Variants in GABRG1 observed in about 807,000 individuals in gnomAD.
The protein encoded by GABRG1 is gamma-aminobutyric acid receptor subunit gamma-1.
In GABRG1, 49 loss-of-function variants were observed where a neutral mutation model predicts 49.8. That is an observed-to-expected ratio of 0.98 (90% confidence interval 0.78 to 1.25). The LOEUF (loss-of-function observed/expected upper bound fraction) is 1.25, where lower values mean the gene tolerates loss of function less well. Among genes scored for constraint, GABRG1 ranks in the 50% most tolerant of loss-of-function variants. GABRG1 has a pLI of 0.00. For synonymous variants in GABRG1, 232 were observed against 185.1 expected (o/e 1.25, Z -2.06); for missense variants, 552 against 552.3 (o/e 1.00, Z 0.01).
At position 46,038,376 on chromosome 4, in the gene GABRG1, T is replaced by C. The variant is rs1241904580; in HGVS notation, c.*2612A>G. On this transcript the variant is annotated 3_prime_UTR_variant, in exon 9 of 9. Coordinates refer to ENST00000295452, the MANE Select transcript of GABRG1 (RefSeq NM_173536.4). ...GTCACATATTTAGAGGATAGGTCTA[T>C]ATAAACAAACATTTTTACAAATGAT... 1 of 151,684 alleles carries C rather than the reference T, an allele frequency of 6.6e-6. No homozygotes were observed. The highest frequency in any genetic ancestry group is 6.6e-5 in the Admixed American group (1 of 15,158). The allele number at this position is 151,684 out of a possible 1,614,324, so 9.4% of individuals were successfully genotyped here. A position where few individuals can be genotyped will look rare whatever the true frequency, so the allele number is the denominator to read the frequency against.
intron 3 of GABRG1, among the ~76,000 whole-genome samples, chr4:46,075,160 A>C (rs1276305804): frequency 1.3e-5 from 2 of 151,954 alleles, no homozygotes; most frequent in Non-Finnish European, 2.9e-5. Context: ...TTCCTCATAC[A>C]AATACTTTCA....
Position 46,097,364 on chromosome 4 carries a change from G to A in GABRG1, c.105-15C>T, listed in dbSNP as rs1409345815. 4.7e-5 allele frequency: 74 copies of A among 1,581,380 alleles called. No individual in the cohort carries two copies. In the East Asian group the frequency reaches 6.1e-4, roughly 13 times the overall value. On this transcript the variant is annotated splice_polypyrimidine_tract_variant and intron_variant, in intron 1 of 8. Transcript: ENST00000295452. ...CCTTATCAACACTAAATAATTCAAA[G>A]AAAAAAATGGATGGTAGAAGGTTCA...
chr4:46,078,881 T>C (rs1050530854), intron 3 of GABRG1, among the ~76,000 whole-genome samples: 3 of 151,938 alleles, frequency 2.0e-5, no homozygotes, highest in Non-Finnish European at 4.4e-5. Flanking sequence ...CAGTCTTGAA[T>C]TGGTTACAAT....
At chr4:46,060,199 C>T (rs969646894) in intron 5 of GABRG1, among the ~76,000 whole-genome samples, 3 of 151,728 alleles carry the variant, frequency 2.0e-5, no homozygotes, top group Non-Finnish European at 2.9e-5. Flanking sequence ...CAAGAAGAAT[C>T]ATCTCACCCT....
At chr4:46,109,209 T>G (rs994411299) in intron 1 of GABRG1, among the ~76,000 whole-genome samples, 3 of 150,972 alleles carry the variant, frequency 2.0e-5, no homozygotes, top group Non-Finnish European at 4.5e-5. Context: ...TCAGTGATGG[T>G]CTGTTCAGGA....
chr4:46,086,991 A>G (rs1486152947), intron 2 of GABRG1, among the ~76,000 whole-genome samples: 1 of 151,774 alleles, frequency 6.6e-6, no homozygotes, highest in East Asian at 1.9e-4. Flanking sequence ...TCAGGGAGTC[A>G]ACTGTTTTTA....
chr4:46,112,973 C>T lies in GABRG1; in HGVS notation c.104+10837G>A, dbSNP rs1325848290. On this transcript the variant is annotated intron_variant, in intron 1 of 8. Coordinates refer to ENST00000295452, the MANE Select transcript of GABRG1 (RefSeq NM_173536.4). ...ATAGCTACACGGCTACAAGTAACTACAAGGCCCCCACATTATGGTCTTCCA... is the reference window on the plus strand; with the variant it reads ...ATAGCTACACGGCTACAAGTAACTATAAGGCCCCCACATTATGGTCTTCCA... Among the ~76,000 whole-genome samples, 3 of 150,990 alleles carry T rather than the reference C, an allele frequency of 2.0e-5. No homozygotes were observed. In the Admixed American group the frequency reaches 2.0e-4, roughly 10 times the overall value.
At chr4:46,099,543 A>T (rs996934476) in intron 1 of GABRG1, among the ~76,000 whole-genome samples, 1 of 151,690 alleles carries the variant, frequency 6.6e-6, no homozygotes, top group African/African-American at 2.4e-5. Flanking sequence ...GGATGGTCCA[A>T]TTTTATTTGT....
intron 8 of GABRG1, among the ~76,000 whole-genome samples, chr4:46,049,131 GA>G (rs887145279): frequency 6.6e-6 from 1 of 151,832 alleles, no homozygotes; most frequent in African/African-American, 2.4e-5. Context: ...AAGAGGAAAG[GA>G]GAGAGAAAGG....
rs964186525 is a variant in GABRG1, at chr4:46,037,567, T to C, written c.*3421A>G. 3.3e-5 allele frequency: 5 copies of C among 151,750 alleles called. No individual in the cohort carries two copies. Among genetic ancestry groups the C allele is most frequent in the Admixed American group, 2.6e-4 (4 of 15,162 alleles). 9.4% of individuals were successfully genotyped at this position (151,750 alleles called of 1,614,324 possible). A position where few individuals can be genotyped will look rare whatever the true frequency, so the allele number is the denominator to read the frequency against. On this transcript the variant is annotated 3_prime_UTR_variant, in exon 9 of 9. Transcript: ENST00000295452. ...AAGCAGTAAAGGCTTAAGAGTCTACTGGGTACCTTCAATGCCAGTTCTAAA... is the reference window on the plus strand; with the variant it reads ...AAGCAGTAAAGGCTTAAGAGTCTACCGGGTACCTTCAATGCCAGTTCTAAA...
chr4:46,065,381 T>G lies in GABRG1; in HGVS notation c.525A>C (p.Arg175=). The change falls in exon 4 of 9, where the codon CGA becomes CGC. Residue 175 remains arginine (R), a synonymous_variant. Coordinates refer to ENST00000295452, the MANE Select transcript of GABRG1 (RefSeq NM_173536.4). ...AATATTACCTTAGAGTATACAGAAC[T>G]CGTCCATCATTCCAAATTCGAAGCA... ...NRLLRIWNDG[R]VLYTLRLTIN... is the part of the protein sequence containing the mutation. The G allele has an allele frequency of 6.2e-7, 1 of 1,603,760 alleles. No individual in the cohort carries two copies. The highest frequency in any genetic ancestry group is 8.5e-7 in the Non-Finnish European group (1 of 1,170,828).
chr4:46,051,223 G>A (rs1023142231), intron 8 of GABRG1, among the ~76,000 whole-genome samples: 2 of 151,658 alleles, frequency 1.3e-5, no homozygotes, highest in Non-Finnish European at 2.9e-5. Context: ...CTTTACACAG[G>A]GGATCCAATG....
intron 5 of GABRG1, among the ~76,000 whole-genome samples, chr4:46,064,115 C>T (rs190382271): frequency 6.6e-6 from 1 of 152,116 alleles, no homozygotes; most frequent in Admixed American, 6.5e-5. Flanking sequence ...TTTGAATCAC[C>T]TTTTCTTGGG....
chr4:46,117,070 A>T (rs1379546082), intron 1 of GABRG1, among the ~76,000 whole-genome samples: 1 of 150,608 alleles, frequency 6.6e-6, no homozygotes, highest in African/African-American at 2.4e-5. Context: ...AATCTGCCTA[A>T]AGATTAACCT....
In GABRG1 at chr4:46,038,325, T is replaced by C. The variant is rs1029575885; in HGVS notation, c.*2663A>G. On this transcript the variant is annotated 3_prime_UTR_variant, in exon 9 of 9. Coordinates refer to ENST00000295452, the MANE Select transcript of GABRG1 (RefSeq NM_173536.4). ...TCATTGTAAATCCAAAATCACATTT[T>C]CCCCTCTCAGAATTTCTAGATCCTT... 4 of 151,628 alleles carry C rather than the reference T, an allele frequency of 2.6e-5. No homozygotes were observed. The highest frequency in any genetic ancestry group is 4.4e-5 in the Non-Finnish European group (3 of 67,676). 9.4% of individuals were successfully genotyped at this position (151,628 alleles called of 1,614,324 possible).
At chr4:46,068,734 T>C (rs1200458317) in intron 3 of GABRG1, among the ~76,000 whole-genome samples, 2 of 152,068 alleles carry the variant, frequency 1.3e-5, no homozygotes, top group Non-Finnish European at 2.9e-5. Flanking sequence ...AATCCAGTTT[T>C]GTATTAGTGT....
chr4:46,063,593 G>T (rs1481189377), intron 5 of GABRG1, among the ~76,000 whole-genome samples: 1 of 152,042 alleles, frequency 6.6e-6, no homozygotes, highest in Admixed American at 6.6e-5. Context: ...GAAAACCTAG[G>T]CATTACCATT....
chr4:46,114,364 G>A (rs996622828), intron 1 of GABRG1, among the ~76,000 whole-genome samples: 1 of 150,956 alleles, frequency 6.6e-6, no homozygotes, highest in African/African-American at 2.4e-5. Flanking sequence ...ATAGAGAGAT[G>A]CTTTGAAAAC....
At chr4:46,061,997 C>T (rs560574794) in intron 5 of GABRG1, among the ~76,000 whole-genome samples, 28 of 149,862 alleles carry the variant, frequency 1.9e-4, no homozygotes, top group African/African-American at 6.4e-4. Flanking sequence ...TTTAGCATTA[C>T]GTATATCTCC....
Sources: allele counts gnomAD v4.1 joint callset (sites outside exome capture counted in the v4.1 genomes callset), GRCh38; gene constraint gnomAD v4.1.1; transcripts MANE v1.5; gene names NCBI Gene and HGNC (gene_info 2026-07-23, HGNC 2026-07-21).